Variants in DCC observed in about 807,000 individuals in gnomAD.
DCC encodes DCC netrin 1 receptor.
DCC carries 58 observed loss-of-function variants against 172.5 expected under a neutral mutation model. The ratio of observed to expected loss-of-function variants is 0.34; its 90% CI spans 0.27 to 0.42. The LOEUF is 0.42. Among genes scored for constraint, DCC ranks in the 10% least tolerant of loss-of-function variants. DCC has a pLI of 1.00. For missense variants in DCC, 1,740 were observed against 1,791.0 expected (o/e 0.97, Z 0.51); for synonymous variants, 709 against 644.5 (o/e 1.10, Z -1.52).
intron 2 of DCC, among the ~76,000 whole-genome samples, chr18:52,871,743 A>G (rs2039322588): frequency 6.6e-6 from 1 of 152,188 alleles, no homozygotes; most frequent in Non-Finnish European, 1.5e-5. Context: ...GTGACAAAAC[A>G]ACACAGAAAG....
chr18:52,544,051 C>T (rs1235732516), intron 1 of DCC, among the ~76,000 whole-genome samples: 2 of 152,188 alleles, frequency 1.3e-5, no homozygotes, highest in Non-Finnish European at 2.9e-5. Flanking sequence ...AAACTGGCCA[C>T]AGTAGTAGCT....
At chr18:53,117,916 TA>T (rs924824289) in intron 7 of DCC, among the ~76,000 whole-genome samples, 1 of 151,792 alleles carries the variant, frequency 6.6e-6, no homozygotes, top group African/African-American at 2.4e-5. Flanking sequence ...CCCATTCATT[TA>T]AAAATGTAAA....
At chr18:52,974,306 C>G (rs2041077217) in intron 5 of DCC, among the ~76,000 whole-genome samples, 1 of 152,066 alleles carries the variant, frequency 6.6e-6, no homozygotes, top group Non-Finnish European at 1.5e-5. Context: ...TTATCTGGTG[C>G]TAGTATTGCC....
chr18:52,610,382 C>CAA (rs55715009), intron 1 of DCC, among the ~76,000 whole-genome samples: 898 of 49,972 alleles, frequency 0.018, 83 homozygotes, highest in East Asian at 0.028. Context: ...TCTGTCTCAA[C>CAA]AAAAAAAAAA....
intron 1 of DCC, among the ~76,000 whole-genome samples, chr18:52,720,374 G>C (rs1368235517): frequency 6.6e-6 from 1 of 152,178 alleles, no homozygotes; most frequent in Non-Finnish European, 1.5e-5. Context: ...TTCTGGTTTG[G>C]AATGTAGATC....
chr18:52,886,388 A>G (rs1003492262), intron 2 of DCC, among the ~76,000 whole-genome samples: 5 of 152,146 alleles, frequency 3.3e-5, no homozygotes, highest in African/African-American at 1.2e-4. Context: ...TTCTCTGTCC[A>G]TGAATGGGCA....
chr18:53,384,078 A>T (rs1442775185), intron 15 of DCC, among the ~76,000 whole-genome samples: 1 of 151,758 alleles, frequency 6.6e-6, no homozygotes, highest in African/African-American at 2.4e-5. Flanking sequence ...TTAAATTTTT[A>T]TTCACCAGTT....
At chr18:53,106,381 A>G (rs2043248084) in intron 7 of DCC, among the ~76,000 whole-genome samples, 1 of 151,832 alleles carries the variant, frequency 6.6e-6, no homozygotes, top group Non-Finnish European at 1.5e-5. Flanking sequence ...GGGAAGGTAT[A>G]TATGGTGCTT....
chr18:53,473,027 T>A (rs1374166438), intron 25 of DCC, among the ~76,000 whole-genome samples: 1 of 152,214 alleles, frequency 6.6e-6, no homozygotes, highest in Non-Finnish European at 1.5e-5. Flanking sequence ...CCTTTTGAAA[T>A]GACTCAGTGG....
chr18:53,243,689 G>A (rs989122198), intron 12 of DCC, among the ~76,000 whole-genome samples: 14 of 152,088 alleles, frequency 9.2e-5, no homozygotes, highest in African/African-American at 3.4e-4. Flanking sequence ...CTATCATCAG[G>A]ATTCAGGCTC....
intron 5 of DCC, among the ~76,000 whole-genome samples, chr18:52,946,207 C>T (rs2040542311): frequency 6.6e-6 from 1 of 152,206 alleles, no homozygotes; most frequent in Non-Finnish European, 1.5e-5. Context: ...AATTGTACCT[C>T]TTTGTTTACA....
chr18:52,977,102 G>C (rs749683495), intron 5 of DCC, among the ~76,000 whole-genome samples: 1 of 152,040 alleles, frequency 6.6e-6, no homozygotes, highest in East Asian at 1.9e-4. Context: ...CACACTTCTC[G>C]TGCAGAAAAA....
At chr18:52,930,722 A>G (rs1422050840) in intron 5 of DCC, among the ~76,000 whole-genome samples, 1 of 152,026 alleles carries the variant, frequency 6.6e-6, no homozygotes, top group Admixed American at 6.6e-5. Context: ...ACCTTCATAC[A>G]TTTATTGAAA....
At chr18:53,362,510 A>AT (rs1217884647) in intron 15 of DCC, among the ~76,000 whole-genome samples, 2 of 152,174 alleles carry the variant, frequency 1.3e-5, no homozygotes, top group African/African-American at 4.8e-5. Context: ...AAGGAACATA[A>AT]TGGCCACTCA....
chr18:52,946,935 T>C (rs1335802401), intron 5 of DCC, among the ~76,000 whole-genome samples: 2 of 152,130 alleles, frequency 1.3e-5, no homozygotes, highest in Admixed American at 1.3e-4. Context: ...CAAACATCCA[T>C]AATAAACAAA....
chr18:53,164,905 C>A (rs942735461), intron 8 of DCC, among the ~76,000 whole-genome samples: 13 of 152,184 alleles, frequency 8.5e-5, no homozygotes, highest in Middle Eastern at 3.4e-3. Flanking sequence ...TTTCTCTGTT[C>A]AGAAAGACTG....
Position 52,892,185 on chromosome 18 carries a change from T to C in DCC, c.413-13859T>C, listed in dbSNP as rs1023881567. Among the ~76,000 whole-genome samples the C allele has an allele frequency of 1.3e-5, 2 of 152,228 alleles. 1 individual carries two copies. Among genetic ancestry groups the C allele is most frequent in the South Asian group, 4.1e-4 (2 of 4,826 alleles). On this transcript the variant is annotated intron_variant, in intron 2 of 28. Transcript: ENST00000442544. ...GCTTTAATACTTCTTTTTAAGTTCA[T>C]GGATATTACCATCAGGAAAGGTCAT...
chr18:53,015,043 A>G (rs1180332484), intron 5 of DCC, among the ~76,000 whole-genome samples: 1 of 152,234 alleles, frequency 6.6e-6, no homozygotes, highest in African/African-American at 2.4e-5. Flanking sequence ...TAAAATGATC[A>G]TTCTTTCAAT....
intron 1 of DCC, among the ~76,000 whole-genome samples, chr18:52,342,221 C>T (rs1250022127): frequency 1.3e-5 from 2 of 152,184 alleles, no homozygotes; most frequent in East Asian, 1.9e-4. Flanking sequence ...TCGGGCTCAG[C>T]TCCTCATCTT....
Sources: allele counts gnomAD v4.1 joint callset (sites outside exome capture counted in the v4.1 genomes callset), GRCh38; gene constraint gnomAD v4.1.1; transcripts MANE v1.5; gene names NCBI Gene and HGNC (gene_info 2026-07-23, HGNC 2026-07-21).